Variants in TAF1A observed in about 807,000 individuals in gnomAD.
TAF1A encodes the protein TATA box-binding protein-associated factor RNA polymerase I subunit A.
Under a neutral mutation model 61.6 loss-of-function variants are expected in TAF1A, and 42 were observed. The observed-to-expected ratio is 0.68, with a 90% CI of 0.53 to 0.88. TAF1A has a LOEUF of 0.88. TAF1A is among the 40% of genes least tolerant of loss of function. The pLI is 0.00. For synonymous variants in TAF1A, 179 were observed against 177.7 expected, an observed-to-expected ratio of 1.01 and a Z score of -0.06; for missense variants, 424 against 518.7, an observed-to-expected ratio of 0.82 and a Z score of 1.77.
chr1:222,569,440 A>C, intron 7 of TAF1A, 70 bp downstream of exon 7: 2 of 1,612,434 alleles, frequency 1.2e-6, no homozygotes, highest in Non-Finnish European at 1.7e-6. Context: ...AAAGTTAGAA[A>C]GCAATGGCCT....
chr1:222,571,097 T>C (rs975295661), intron 5 of TAF1A, among the ~76,000 whole-genome samples: 11 of 152,278 alleles, frequency 7.2e-5, no homozygotes, highest in Non-Finnish European at 1.3e-4. Flanking sequence ...AGAGATCTAT[T>C]GATCTAAACC....
intron 10 of TAF1A, among the ~76,000 whole-genome samples, chr1:222,560,248 G>T (rs915313466): frequency 1.3e-5 from 2 of 152,180 alleles, no homozygotes; most frequent in African/African-American, 4.8e-5. Context: ...TGAATAGACT[G>T]ACTCAACCCC....
downstream of TAF1A, among the ~76,000 whole-genome samples, chr1:222,556,731 A>G (rs1046899481): frequency 2.0e-5 from 3 of 152,252 alleles, no homozygotes; most frequent in African/African-American, 7.2e-5. Flanking sequence ...ATGGAAACCA[A>G]GAATCAAAAC....
downstream of TAF1A, among the ~76,000 whole-genome samples, chr1:222,556,629 T>C (rs987192708): frequency 3.3e-5 from 5 of 152,212 alleles, no homozygotes; most frequent in South Asian, 1.0e-3. Context: ...TAAACATCAG[T>C]GGACCTAAAA....
chr1:222,568,897 A>G (rs1476064718), intron 7 of TAF1A: 1 of 152,650 alleles, frequency 6.6e-6, no homozygotes, highest in Non-Finnish European at 1.5e-5. Context: ...AATACTATTC[A>G]GCAGTAATAA....
intron 3 of TAF1A, among the ~76,000 whole-genome samples, chr1:222,583,411 AC>A: frequency 9.6e-6 from 1 of 103,946 alleles, no homozygotes; most frequent in East Asian, 3.0e-4. Flanking sequence ...CGTATAAAAA[AC>A]GTCTTGATAA....
At chr1:222,560,495 T>C (rs1659870130) in intron 10 of TAF1A, among the ~76,000 whole-genome samples, 1 of 152,174 alleles carries the variant, frequency 6.6e-6, no homozygotes, top group African/African-American at 2.4e-5. Flanking sequence ...CCTACTCTGC[T>C]CAAAGAGACC....
intron 5 of TAF1A, among the ~76,000 whole-genome samples, chr1:222,574,767 T>C (rs899106936): frequency 1.1e-4 from 16 of 152,116 alleles, no homozygotes; most frequent in Non-Finnish European, 2.1e-4. Flanking sequence ...CATTCAGATA[T>C]AGGCAAAACT....
At chr1:222,570,437 C>G (rs1375931452) in intron 6 of TAF1A, 98 bp downstream of exon 6, 1 of 1,232,336 alleles carries the variant, frequency 8.1e-7, no homozygotes. Flanking sequence ...ATAATTTTTT[C>G]CATTAGTTTC....
intron 1 of TAF1A, 118 bp from the exon 2 acceptor site, chr1:222,588,683 T>A: frequency 9.3e-7 from 1 of 1,069,912 alleles, no homozygotes; most frequent in Non-Finnish European, 1.3e-6. Context: ...GCAAAATGCA[T>A]TATACCTGTC....
chr1:222,581,938 T>C (rs565054581), intron 3 of TAF1A, among the ~76,000 whole-genome samples: 3 of 152,340 alleles, frequency 2.0e-5, no homozygotes, highest in African/African-American at 7.2e-5. Context: ...TTTAAATATT[T>C]GTATATACAT....
In TAF1A at chr1:222,563,287, T is replaced by C. The variant is rs1239685235; in HGVS notation, c.971A>G (p.Glu324Gly). ...TACCTCCAACCCCAGTTTACGGTGT[T>C]CTTCTTTTTCTGCAATGGTTTTAAC... is the stretch of plus-strand genomic sequence containing the variant. ...HTLLRKSEKE[E>G]HRKLGLEVLF... Residue 324 changes from glutamate to glycine, a missense_variant, in exon 9 of 11, where the codon GAA becomes GGA. Glu to Gly is a moderately conservative substitution (Grantham distance 98, BLOSUM62 -2). Transcript: ENST00000352967. 6.2e-7 allele frequency: 1 copy of C among 1,611,554 alleles called. No homozygotes were observed. The highest frequency in any genetic ancestry group is 2.2e-5 in the East Asian group (1 of 44,754).
rs1659793249 is a variant in TAF1A, at chr1:222,558,608, T to C, written c.*52A>G. 1 of 928,334 alleles carries C rather than the reference T, an allele frequency of 1.1e-6. No individual in the cohort carries two copies. Among genetic ancestry groups the C allele is most frequent in the South Asian group, 2.6e-5 (1 of 37,738 alleles). 57.5% of individuals were successfully genotyped at this position (928,334 alleles called of 1,614,324 possible). ...TACATAAATACATTCAATAACTATC[T>C]ACCAAGCTACTTACTGTGTAGCTAC... On this transcript the variant is annotated 3_prime_UTR_variant, in exon 11 of 11. Coordinates refer to ENST00000352967, the MANE Select transcript of TAF1A (RefSeq NM_005681.4).
intron 3 of TAF1A, among the ~76,000 whole-genome samples, chr1:222,580,756 G>C (rs562484008): frequency 2.7e-5 from 4 of 146,800 alleles, no homozygotes; most frequent in Admixed American, 7.1e-5. Flanking sequence ...TAAATGCAGG[G>C]GGGGAAGAAA....
At position 222,589,895 on chromosome 1, in the gene TAF1A, C is replaced by A. The variant is rs966030753; in HGVS notation, c.-171G>T. On this transcript the variant is annotated 5_prime_UTR_variant, in exon 1 of 11. Transcript: ENST00000352967. The stretch of plus-strand genomic sequence containing the variant: ...GCCCGGCTCGTAACTCCTCCTGCTG[C>A]AGCAGGCGTATCGTTGGCCTCGCCT... The A allele has an allele frequency of 5.0e-6, 2 of 396,774 alleles. No homozygotes were observed. The highest frequency in any genetic ancestry group is 4.4e-6 in the Non-Finnish European group (1 of 225,472). 24.6% of individuals were successfully genotyped at this position (396,774 alleles called of 1,614,324 possible). A position where few individuals can be genotyped will look rare whatever the true frequency, so the allele number is the denominator to read the frequency against.
chr1:222,574,298 A>G (rs1660480473), intron 5 of TAF1A, among the ~76,000 whole-genome samples: 1 of 152,242 alleles, frequency 6.6e-6, no homozygotes, highest in Non-Finnish European at 1.5e-5. Flanking sequence ...AAAAAAAACC[A>G]TGAGAGATCA....
At chr1:222,580,979 C>G (rs1042602382) in intron 3 of TAF1A, among the ~76,000 whole-genome samples, 5 of 151,988 alleles carry the variant, frequency 3.3e-5, no homozygotes, top group African/African-American at 1.2e-4. Context: ...GGTGAAACCC[C>G]GTCTCTACTA....
intron 4 of TAF1A, among the ~76,000 whole-genome samples, chr1:222,579,395 AT>A (rs1229220260): frequency 6.6e-6 from 1 of 152,200 alleles, no homozygotes; most frequent in Non-Finnish European, 1.5e-5. Flanking sequence ...ATTTTCACGT[AT>A]TTAAATTCCC....
intron 3 of TAF1A, among the ~76,000 whole-genome samples, chr1:222,582,520 T>C (rs1660825889): frequency 6.6e-6 from 1 of 152,218 alleles, no homozygotes; most frequent in Non-Finnish European, 1.5e-5. Flanking sequence ...TATGGCCACT[T>C]TGGAAAACAG....
Sources: gnomAD v4.1 joint callset for allele counts (sites outside exome capture counted in the v4.1 genomes callset) on GRCh38, gnomAD v4.1.1 for gene constraint, MANE v1.5 for transcripts, NCBI Gene and HGNC (gene_info 2026-07-23, HGNC 2026-07-21) for gene names.